Variants in SORCS3 observed in about 807,000 individuals in gnomAD.
The protein encoded by SORCS3 is sortilin related VPS10 domain containing receptor 3.
A neutral mutation model predicts 146.3 loss-of-function variants in SORCS3; 57 were observed. The observed-to-expected ratio is 0.39, with a 90% CI of 0.31 to 0.49. The LOEUF (loss-of-function observed/expected upper bound fraction) is 0.49, where lower values mean the gene tolerates loss of function less well. Among genes scored for constraint, SORCS3 ranks in the 20% least tolerant of loss-of-function variants. The probability of loss-of-function intolerance (pLI) is 0.92; values close to 1 mark genes in which losing one functional copy is unlikely to be tolerated. For missense variants in SORCS3, 1,341 were observed against 1,575.5 expected (o/e 0.85, Z 2.52); for synonymous variants, 653 against 618.5 (o/e 1.06, Z -0.83).
At chr10:104,756,318 A>G (rs2017050460) in intron 1 of SORCS3, among the ~76,000 whole-genome samples, 1 of 152,220 alleles carries the variant, frequency 6.6e-6, no homozygotes, top group South Asian at 2.1e-4. Flanking sequence ...CTTCAGAAGT[A>G]TACAGCATAC....
At chr10:104,703,040 G>A (rs909162085) in intron 1 of SORCS3, among the ~76,000 whole-genome samples, 6 of 152,188 alleles carry the variant, frequency 3.9e-5, no homozygotes, top group African/African-American at 1.4e-4. Context: ...GTAAGGGAGA[G>A]AACACTTCAA....
At chr10:105,028,040 T>C (rs1249862961) in intron 4 of SORCS3, among the ~76,000 whole-genome samples, 10 of 152,256 alleles carry the variant, frequency 6.6e-5, no homozygotes, top group Non-Finnish European at 1.5e-4. Context: ...CTAGGAACTA[T>C]AGTCAGTATT....
intron 4 of SORCS3, among the ~76,000 whole-genome samples, chr10:105,033,349 A>C (rs1271743869): frequency 1.3e-5 from 2 of 152,234 alleles, no homozygotes; most frequent in Non-Finnish European, 2.9e-5. Flanking sequence ...CTCTGGGTTC[A>C]AATTCCAGCT....
intron 5 of SORCS3, among the ~76,000 whole-genome samples, chr10:105,053,798 C>T (rs1356773504): frequency 1.3e-5 from 2 of 151,810 alleles, no homozygotes; most frequent in Non-Finnish European, 2.9e-5. Flanking sequence ...TATTGATCTT[C>T]TGAAATTTTA....
At chr10:105,066,120 T>C (rs1477778750) in intron 5 of SORCS3, among the ~76,000 whole-genome samples, 1 of 152,220 alleles carries the variant, frequency 6.6e-6, no homozygotes, top group Non-Finnish European at 1.5e-5. Context: ...AAAGAGTTTT[T>C]AAAAATTAAT....
At chr10:104,680,537 C>A (rs1300511838) in intron 1 of SORCS3, among the ~76,000 whole-genome samples, 1 of 152,248 alleles carries the variant, frequency 6.6e-6, no homozygotes, top group African/African-American at 2.4e-5. Flanking sequence ...GCTGCCACTT[C>A]CCAACTGCAT....
rs554629723 is a variant in SORCS3, at chr10:105,210,173, AG to A, written c.2262-963del. Among the ~76,000 whole-genome samples, 13 of 152,310 alleles carry A rather than the reference AG, an allele frequency of 8.5e-5. No individual in the cohort carries two copies. In the South Asian group the frequency reaches 2.1e-3, roughly 24 times the overall value. The stretch of plus-strand genomic sequence containing the variant: ...GGACTTCCACAAAATCTTGGCTCAA[AG>A]AATATACAGGAAGCAGAAAAAGAAA... On this transcript the variant is annotated intron_variant, in intron 16 of 26. Transcript: ENST00000369701.
At chr10:104,688,825 CCCAACGTGGCCAGTTATTGGCAG>C (rs2016080670) in intron 1 of SORCS3, among the ~76,000 whole-genome samples, 2 of 152,310 alleles carry the variant, frequency 1.3e-5, no homozygotes, top group African/African-American at 4.8e-5. Flanking sequence ...CAGGAACCTG[CCCAACGTGGCCAGTTATTGGCAG>C]CAAGTCCTTG....
intron 3 of SORCS3, among the ~76,000 whole-genome samples, chr10:104,929,665 G>A (rs2019187161): frequency 2.0e-5 from 3 of 152,324 alleles, no homozygotes; most frequent in South Asian, 4.1e-4. Context: ...TGGGGACACA[G>A]GCTCTAAGCC....
chr10:104,690,637 G>A (rs9943297), intron 1 of SORCS3, among the ~76,000 whole-genome samples: 25,241 of 152,056 alleles, frequency 0.17, 2,291 homozygotes, highest in South Asian at 0.28. Flanking sequence ...TATATTCACT[G>A]TACAAACAGA....
chr10:104,966,226 C>A (rs910895352), intron 3 of SORCS3, among the ~76,000 whole-genome samples: 2 of 152,004 alleles, frequency 1.3e-5, no homozygotes, highest in African/African-American at 4.8e-5. Flanking sequence ...TGGCATGACC[C>A]CTTCTTTCTC....
At chr10:105,125,045 C>G (rs1348631065) in intron 7 of SORCS3, among the ~76,000 whole-genome samples, 1 of 152,142 alleles carries the variant, frequency 6.6e-6, no homozygotes, top group Non-Finnish European at 1.5e-5. Flanking sequence ...ATAGTTTCTT[C>G]TTAGGTGTTC....
chr10:104,750,115 T>C (rs2016966961), intron 1 of SORCS3, among the ~76,000 whole-genome samples: 1 of 152,194 alleles, frequency 6.6e-6, no homozygotes, highest in South Asian at 2.1e-4. Flanking sequence ...CATACTATGA[T>C]GTTTGCCATG....
At chr10:104,854,256 C>T (rs1051178495) in intron 2 of SORCS3, among the ~76,000 whole-genome samples, 5 of 152,138 alleles carry the variant, frequency 3.3e-5, no homozygotes, top group Admixed American at 2.0e-4. Context: ...GCCTCCCTCC[C>T]AACCCATCCC....
chr10:104,745,646 C>T (rs2016900208), intron 1 of SORCS3, among the ~76,000 whole-genome samples: 1 of 152,156 alleles, frequency 6.6e-6, no homozygotes, highest in Non-Finnish European at 1.5e-5. Context: ...GAATTGTTGA[C>T]CACAGGCACT....
chr10:105,262,718 T>TAGG (rs1247178112), intron 26 of SORCS3, among the ~76,000 whole-genome samples: 1 of 152,228 alleles, frequency 6.6e-6, no homozygotes, highest in African/African-American at 2.4e-5. Flanking sequence ...CTGAGTGGGT[T>TAGG]AGGGATGAAG....
intron 1 of SORCS3, among the ~76,000 whole-genome samples, chr10:104,773,199 G>A (rs1324566428): frequency 6.6e-6 from 1 of 152,198 alleles, no homozygotes; most frequent in African/African-American, 2.4e-5. Flanking sequence ...AGGGACAGGT[G>A]CACGAGTATC....
intron 1 of SORCS3, 90 bp from the exon 2 acceptor site, chr10:104,842,702 G>T: frequency 1.1e-6 from 1 of 945,118 alleles, no homozygotes; most frequent in Non-Finnish European, 1.7e-6. Context: ...GATAGGAGAT[G>T]CATTATATAT....
At chr10:105,216,840 G>A in intron 18 of SORCS3, 96 bp from the exon 19 acceptor site, 1 of 1,184,410 alleles carries the variant, frequency 8.4e-7, no homozygotes, top group Non-Finnish European at 1.2e-6. Context: ...AAGACTATGG[G>A]TCATCAGAGG....
Sources: allele counts gnomAD v4.1 joint callset (sites outside exome capture counted in the v4.1 genomes callset), GRCh38; gene constraint gnomAD v4.1.1; transcripts MANE v1.5; gene names NCBI Gene and HGNC (gene_info 2026-07-23, HGNC 2026-07-21).